The following CADPS variants were observed in gnomAD, a reference collection of about 807,000 sequenced individuals.
CADPS encodes calcium-dependent secretion activator 1.
Under a neutral mutation model 167.3 loss-of-function variants are expected in CADPS, and 57 were observed. That is an observed-to-expected ratio of 0.34 (90% CI 0.28 to 0.42). The LOEUF is 0.42. CADPS is among the 20% of genes least tolerant of loss of function. The pLI, the probability that CADPS is intolerant of heterozygous loss-of-function variation, is 1.00. For synonymous variants in CADPS, 676 were observed against 635.3 expected (o/e 1.06, Z -0.96); for missense variants, 1,414 against 1,738.1 (o/e 0.81, Z 3.32).
intron 17 of CADPS, among the ~76,000 whole-genome samples, chr3:62,510,695 T>C (rs1274351144): frequency 6.6e-6 from 1 of 152,110 alleles, no homozygotes; most frequent in Non-Finnish European, 1.5e-5. Context: ...GCTGTCCATA[T>C]TTCAGTCCCC....
intron 3 of CADPS, among the ~76,000 whole-genome samples, chr3:62,714,242 C>G (rs932692124): frequency 2.0e-5 from 3 of 152,164 alleles, no homozygotes; most frequent in African/African-American, 7.2e-5. Flanking sequence ...TGTTACAAAG[C>G]AGTTGAATTA....
chr3:62,852,466 T>C (rs1334845999), intron 1 of CADPS, among the ~76,000 whole-genome samples: 1 of 152,184 alleles, frequency 6.6e-6, no homozygotes, highest in African/African-American at 2.4e-5. Flanking sequence ...CATCCGTCTC[T>C]TCTTTCATTT....
At chr3:62,599,829 T>A (rs2059628874) in intron 6 of CADPS, among the ~76,000 whole-genome samples, 1 of 5,318 alleles carries the variant, frequency 1.9e-4, no homozygotes, top group South Asian at 0.019. Context: ...ATATATTATA[T>A]ATATAATATA....
intron 8 of CADPS, among the ~76,000 whole-genome samples, chr3:62,571,911 T>C (rs1308816794): frequency 6.6e-6 from 1 of 152,138 alleles, no homozygotes; most frequent in Non-Finnish European, 1.5e-5. Flanking sequence ...ATCTGCATTG[T>C]GGATTGTTAC....
chr3:62,729,568 T>C (rs1238771037), intron 3 of CADPS, among the ~76,000 whole-genome samples: 1 of 151,932 alleles, frequency 6.6e-6, no homozygotes, highest in Non-Finnish European at 1.5e-5. Flanking sequence ...TTAGGCAAGT[T>C]ACTTAAGCAT....
intron 3 of CADPS, among the ~76,000 whole-genome samples, chr3:62,734,334 T>C (rs980391438): frequency 9.9e-5 from 15 of 152,178 alleles, no homozygotes; most frequent in African/African-American, 3.1e-4. Context: ...GCTAGTGTGA[T>C]TGAAAAACTG....
intron 6 of CADPS, among the ~76,000 whole-genome samples, chr3:62,639,171 C>T (rs1363277499): frequency 6.6e-6 from 1 of 152,144 alleles, no homozygotes; most frequent in Non-Finnish European, 1.5e-5. Context: ...TTTACTTTCT[C>T]CCAACCTACG....
chr3:62,837,359 C>T (rs2076041013), intron 1 of CADPS, among the ~76,000 whole-genome samples: 1 of 152,182 alleles, frequency 6.6e-6, no homozygotes, highest in South Asian at 2.1e-4. Context: ...GCATGGAGAA[C>T]ACCCTTTGCT....
chr3:62,580,869 A>G (rs1578182666), intron 8 of CADPS, among the ~76,000 whole-genome samples: 3 of 152,340 alleles, frequency 2.0e-5, no homozygotes, highest in African/African-American at 7.2e-5. Flanking sequence ...AAATAGACAT[A>G]AAATTTCCCT....
intron 21 of CADPS, among the ~76,000 whole-genome samples, chr3:62,484,731 C>T (rs918686220): frequency 1.3e-5 from 2 of 152,090 alleles, no homozygotes; most frequent in Admixed American, 1.3e-4. Flanking sequence ...GAAGTCATTC[C>T]TGCTTCTAGA....
At chr3:62,678,208 A>C (rs888589580) in intron 3 of CADPS, among the ~76,000 whole-genome samples, 1 of 152,048 alleles carries the variant, frequency 6.6e-6, no homozygotes, top group African/African-American at 2.4e-5. Flanking sequence ...TAAAAGCCTG[A>C]GATGCTGCAC....
At chr3:62,795,164 C>T (rs2093315571) in intron 1 of CADPS, among the ~76,000 whole-genome samples, 1 of 152,148 alleles carries the variant, frequency 6.6e-6, no homozygotes, top group South Asian at 2.1e-4. Context: ...GATCTCTTGT[C>T]TCACTGCAGG....
At chr3:62,626,287 A>G (rs550104185) in intron 6 of CADPS, 3 of 421,902 alleles carry the variant, frequency 7.1e-6, no homozygotes, top group Non-Finnish European at 1.2e-5. Context: ...TTCACATTCA[A>G]CAACATTACT....
intron 28 of CADPS, among the ~76,000 whole-genome samples, chr3:62,409,051 A>G (rs2048445099): frequency 6.6e-6 from 1 of 152,240 alleles, no homozygotes; most frequent in Non-Finnish European, 1.5e-5. Context: ...ACTACACGAA[A>G]TATACTACAA....
At chr3:62,526,626 G>C (rs1327359202) in intron 13 of CADPS, among the ~76,000 whole-genome samples, 4 of 152,088 alleles carry the variant, frequency 2.6e-5, no homozygotes, top group Admixed American at 1.3e-4. Flanking sequence ...CTTAGAAGCT[G>C]ATTTAAAAAT....
chr3:62,430,251 C>G (rs979113993), intron 28 of CADPS, among the ~76,000 whole-genome samples: 12 of 152,142 alleles, frequency 7.9e-5, no homozygotes, highest in Non-Finnish European at 1.5e-4. Context: ...AAATGTGTTT[C>G]TATACCTAAG....
chr3:62,518,156 G>A lies in CADPS; in HGVS notation c.2386C>T (p.His796Tyr), dbSNP rs908397389. The A allele has an allele frequency of 9.3e-6, 15 of 1,609,044 alleles. No individual in the cohort carries two copies. Among genetic ancestry groups the A allele is most frequent in the African/African-American group, 2.7e-5 (2 of 74,750 alleles). ...LRVLLENQIT[H>Y]FRYCFPFGRP... ...CCAGCCCCAGATCCTTACCTAAAATGTGTAATCTGATTTTCTAGCAGAACT... is the reference window on the plus strand; with the variant it reads ...CCAGCCCCAGATCCTTACCTAAAATATGTAATCTGATTTTCTAGCAGAACT... The change falls in exon 14 of 30, where the codon CAT becomes TAT. Residue 796 changes from histidine to tyrosine, a missense_variant. This residue lies in a region of CADPS where 529 missense variants were observed against 629.6 expected (regional missense o/e 0.84). Coordinates refer to ENST00000383710, the MANE Select transcript of CADPS (RefSeq NM_003716.4).
At chr3:62,732,439 T>C (rs1457245740) in intron 3 of CADPS, among the ~76,000 whole-genome samples, 3 of 152,070 alleles carry the variant, frequency 2.0e-5, no homozygotes, top group Non-Finnish European at 2.9e-5. Context: ...GGGAGGACAG[T>C]GACTCCAGCC....
At chr3:62,577,774 G>T (rs570967858) in intron 8 of CADPS, among the ~76,000 whole-genome samples, 12 of 152,254 alleles carry the variant, frequency 7.9e-5, no homozygotes, top group Non-Finnish European at 1.3e-4. Flanking sequence ...AAGTCCAGAG[G>T]GGTTAAGAAA....
Sources: gnomAD v4.1 joint callset for allele counts (sites outside exome capture counted in the v4.1 genomes callset) on GRCh38, gnomAD v4.1.1 for gene constraint, gnomAD v4.1.1 regional missense constraint, MANE v1.5 for transcripts, NCBI Gene and HGNC (gene_info 2026-07-23, HGNC 2026-07-21) for gene names.